The following RFC2 variants were observed in gnomAD, a reference collection of about 807,000 sequenced individuals.
RFC2 encodes A1 40 kDa subunit.
In RFC2, 34 loss-of-function variants were observed where a neutral mutation model predicts 44.8. The ratio of observed to expected loss-of-function variants is 0.76; its 90% CI spans 0.58 to 1.01. The LOEUF (loss-of-function observed/expected upper bound fraction) is 1.01. Among genes scored for constraint, RFC2 ranks in the 50% least tolerant of loss-of-function variants. The pLI is 0.00. For missense variants in RFC2, 400 were observed against 453.6 expected (o/e 0.88, Z 1.07); for synonymous variants, 177 against 168.9 (o/e 1.05, Z -0.37).
chr7:74,233,408 TTAAAA>T (rs1222982946), intron 10 of RFC2, among the ~76,000 whole-genome samples: 4 of 151,844 alleles, frequency 2.6e-5, no homozygotes, highest in African/African-American at 9.7e-5. Flanking sequence ...TACAGTACAA[TTAAAA>T]TAAAAAATGT....
At chr7:74,245,599 G>A (rs1377533533) in intron 5 of RFC2, among the ~76,000 whole-genome samples, 3 of 150,750 alleles carry the variant, frequency 2.0e-5, no homozygotes, top group African/African-American at 7.3e-5. Context: ...TGTAGTCCCA[G>A]CTACTCGAGA....
At chr7:74,246,800 G>A in intron 4 of RFC2, 37 bp from the exon 5 acceptor site, 1 of 1,379,246 alleles carries the variant, frequency 7.3e-7, no homozygotes, top group Non-Finnish European at 1.0e-6. Context: ...CACCTTCTGA[G>A]ACCAATTCAG....
chr7:74,248,962 T>C (rs1554720544), intron 4 of RFC2, 50 bp downstream of exon 4: 3 of 1,295,314 alleles, frequency 2.3e-6, no homozygotes, highest in South Asian at 1.2e-5. Context: ...TCTGTAACAA[T>C]TCTCAATGCA....
At position 74,240,030 on chromosome 7, in the gene RFC2, T is replaced by G. The variant is rs1805392; in HGVS notation, c.601A>C (p.Arg201=). Residue 201 remains arginine (R), a synonymous_variant, in exon 7 of 11, where the codon AGG becomes CGG. Transcript: ENST00000055077. ...TCCTTCTCGATAACATTCATCAGCCTGGTGAGGATCTGGGCGTCGGTCAGC... is the reference window on the plus strand; with the variant it reads ...TCCTTCTCGATAACATTCATCAGCCGGGTGAGGATCTGGGCGTCGGTCAGC... ...TKLTDAQILT[R]LMNVIEKERV... 1.8e-3 allele frequency: 2,863 copies of G among 1,614,070 alleles called. 34 individuals are homozygous for G. In the African/African-American group the frequency reaches 0.022, roughly 12 times the overall value.
rs144214608 is a variant in RFC2 at position 74,249,784 on chromosome 7, C to T, written c.184-4G>A. On this transcript the variant is annotated splice_region_variant and splice_polypyrimidine_tract_variant and intron_variant, in intron 2 of 10. Transcript: ENST00000055077. ...CATTTCCTTCCCTTGCAAAGACCTA[C>T]GGCGAAAATGATCATTAAAACCGGT... 682 of 1,612,852 alleles carry T rather than the reference C, an allele frequency of 4.2e-4. 3 individuals are homozygous for T. The African/African-American group carries it at 4.9e-3, about 11-fold the overall frequency.
Position 74,237,344 on chromosome 7 carries a change from G to T in RFC2, c.840+18C>A, listed in dbSNP as rs200452278. 5.1e-6 allele frequency: 8 copies of T among 1,582,748 alleles called. No homozygotes were observed. In the African/African-American group the frequency reaches 8.0e-5, roughly 16 times the overall value. ...AAGTGAGCGGTTCCTCTGCCAGGAC[G>T]GGGGGAAGGAGGCCAACCTTGTAGG... On this transcript the variant is annotated intron_variant, in intron 9 of 10. Coordinates refer to ENST00000055077, the MANE Select transcript of RFC2 (RefSeq NM_181471.3).
chr7:74,236,203 C>T (rs1353588505), intron 9 of RFC2, among the ~76,000 whole-genome samples: 1 of 152,192 alleles, frequency 6.6e-6, no homozygotes, highest in Non-Finnish European at 1.5e-5. Context: ...CTGCCCCACC[C>T]AGGCTGCAGC....
intron 1 of RFC2, 95 bp from the exon 2 acceptor site, chr7:74,252,593 T>A: frequency 1.3e-6 from 1 of 774,364 alleles, no homozygotes; most frequent in Non-Finnish European, 2.3e-6. Context: ...TGTTAAAAAA[T>A]TACATACATT....
At chr7:74,233,312 A>G (rs1554717536) in intron 10 of RFC2, among the ~76,000 whole-genome samples, 1 of 152,230 alleles carries the variant, frequency 6.6e-6, no homozygotes, top group African/African-American at 2.4e-5. Context: ...CGGGAGTTCA[A>G]GACCAGCCTT....
chr7:74,236,558 T>A (rs527586513), intron 9 of RFC2, among the ~76,000 whole-genome samples: 1 of 152,104 alleles, frequency 6.6e-6, no homozygotes, highest in Non-Finnish European at 1.5e-5. Flanking sequence ...CTCAGTCCCA[T>A]TGTGAGGCTA....
intron 8 of RFC2, 41 bp from the exon 9 acceptor site, chr7:74,237,483 G>A: frequency 7.2e-7 from 1 of 1,390,566 alleles, no homozygotes; most frequent in Non-Finnish European, 9.9e-7. Context: ...GGCTAGAAGG[G>A]ACAATGTGAG....
At chr7:74,243,730 C>A (rs1466642382) in intron 5 of RFC2, among the ~76,000 whole-genome samples, 1 of 150,014 alleles carries the variant, frequency 6.7e-6, no homozygotes, top group Non-Finnish European at 1.5e-5. Flanking sequence ...AAGGCTGATG[C>A]GGGAGGACCG....
chr7:74,232,473 A>AG (rs1303181622), intron 10 of RFC2, among the ~76,000 whole-genome samples: 13 of 67,322 alleles, frequency 1.9e-4, no homozygotes, highest in East Asian at 4.1e-4. Flanking sequence ...GGGTGGGGCG[A>AG]GGGGGGGCGG....
At chr7:74,245,301 TGAGCCACC>T (rs1803533212) in intron 5 of RFC2, among the ~76,000 whole-genome samples, 1 of 150,856 alleles carries the variant, frequency 6.6e-6, no homozygotes, top group Non-Finnish European at 1.5e-5. Flanking sequence ...ATTACAGGCA[TGAGCCACC>T]GAGCCTGGAC....
In RFC2 at chr7:74,254,385, C is replaced by G; in HGVS notation, c.-2G>C. ...ACCACAGACGGCCTCCACCTCCATT[C>G]TCGCGCCTCCTCTTCCCGCCACCCG... On this transcript the variant is annotated 5_prime_UTR_variant, in exon 1 of 11. Transcript: ENST00000055077. 1 of 1,585,246 alleles carries G rather than the reference C, an allele frequency of 6.3e-7. No homozygotes were observed. The highest frequency in any genetic ancestry group is 1.7e-5 in the Admixed American group (1 of 58,074).
chr7:74,239,292 C>T (rs1040009633), intron 7 of RFC2, among the ~76,000 whole-genome samples: 10 of 150,760 alleles, frequency 6.6e-5, no homozygotes, highest in African/African-American at 2.2e-4. Context: ...TCTTCTGCCT[C>T]GGCCTCCTGA....
chr7:74,239,883 G>A, intron 7 of RFC2, 55 bp downstream of exon 7: 1 of 1,488,044 alleles, frequency 6.7e-7, no homozygotes, highest in African/African-American at 1.4e-5. Context: ...CTTCCCCATG[G>A]AAGGGGCATG....
At chr7:74,249,289 C>T in intron 3 of RFC2, 171 bp from the exon 4 acceptor site, 1 of 1,296,472 alleles carries the variant, frequency 7.7e-7, no homozygotes, top group Non-Finnish European at 1.1e-6. Context: ...ACCTATAATC[C>T]CAGCACTTTG....
At chr7:74,253,222 CTTT>C (rs537519473) in intron 1 of RFC2, among the ~76,000 whole-genome samples, 2 of 140,376 alleles carry the variant, frequency 1.4e-5, no homozygotes, top group Non-Finnish European at 1.5e-5. Context: ...AGTTTCTTTT[CTTT>C]TTTTTTTTTT....
Sources: gnomAD v4.1 joint callset for allele counts (sites outside exome capture counted in the v4.1 genomes callset) on GRCh38, gnomAD v4.1.1 for gene constraint, MANE v1.5 for transcripts, NCBI Gene and HGNC (gene_info 2026-07-23, HGNC 2026-07-21) for gene names.